MTSS1: variants seen among roughly 807,000 people sequenced by gnomAD.
MTSS1 encodes the protein protein MTSS 1.
In MTSS1, 18 loss-of-function variants were observed where a neutral mutation model predicts 79.0. The ratio of observed to expected loss-of-function variants is 0.23; its 90% CI spans 0.16 to 0.34. The LOEUF is 0.34. Ranked by LOEUF, MTSS1 falls within the 10% of genes least tolerant of loss-of-function variation. The probability of loss-of-function intolerance (pLI) is 1.00; values close to 1 mark genes in which losing one functional copy is unlikely to be tolerated. For missense variants in MTSS1, 815 were observed against 986.2 expected, an observed-to-expected ratio of 0.83 and a Z score of 2.33; for synonymous variants, 341 against 368.6, an observed-to-expected ratio of 0.93 and a Z score of 0.86.
At chr8:124,650,895 T>C (rs1331952284) in intron 3 of MTSS1, among the ~76,000 whole-genome samples, 1 of 152,230 alleles carries the variant, frequency 6.6e-6, no homozygotes, top group Non-Finnish European at 1.5e-5. Flanking sequence ...CTCCACCTAG[T>C]AGCTGTTGAC....
chr8:124,613,377 C>G (rs1236397740), intron 3 of MTSS1, among the ~76,000 whole-genome samples: 1 of 152,226 alleles, frequency 6.6e-6, no homozygotes, highest in African/African-American at 2.4e-5. Flanking sequence ...GTAGTCAGAT[C>G]ATCATGCAAT....
At chr8:124,670,334 A>C (rs367827179) in intron 3 of MTSS1, among the ~76,000 whole-genome samples, 55 of 151,156 alleles carry the variant, frequency 3.6e-4, no homozygotes, top group Middle Eastern at 3.4e-3. Context: ...GAACAAACAA[A>C]AGGGACTAGT....
intron 3 of MTSS1, among the ~76,000 whole-genome samples, chr8:124,689,647 GA>G (rs1413085280): frequency 6.6e-6 from 1 of 151,076 alleles, no homozygotes; most frequent in African/African-American, 2.4e-5. Flanking sequence ...TCGGGAGGAT[GA>G]GGCAGGACAG....
chr8:124,615,479 G>A (rs1413129659), intron 3 of MTSS1, among the ~76,000 whole-genome samples: 1 of 152,182 alleles, frequency 6.6e-6, no homozygotes, highest in African/African-American at 2.4e-5. Context: ...CAAAAGGACA[G>A]ATACTGTGAT....
intron 13 of MTSS1, among the ~76,000 whole-genome samples, chr8:124,554,242 T>C (rs1194488375): frequency 6.6e-6 from 1 of 152,206 alleles, no homozygotes; most frequent in East Asian, 1.9e-4. Flanking sequence ...ATGTGGGAGC[T>C]TACAGATTAA....
At chr8:124,686,345 C>A (rs1826987050) in intron 3 of MTSS1, among the ~76,000 whole-genome samples, 1 of 151,956 alleles carries the variant, frequency 6.6e-6, no homozygotes, top group Admixed American at 6.6e-5. Flanking sequence ...AAAAAAAAAA[C>A]TTGCATATTT....
At position 124,703,864 on chromosome 8, in the gene MTSS1, C is replaced by T. The variant is rs371845458; in HGVS notation, c.134+266G>A. Among the ~76,000 whole-genome samples the T allele has an allele frequency of 2.6e-5, 4 of 152,274 alleles. No homozygotes were observed. The South Asian group carries it at 6.2e-4, about 24-fold the overall frequency. ...ATACATAAATGTTACCCGTTGCTAC[C>T]TTACATACAGTACCTACCTCATTTG... On this transcript the variant is annotated intron_variant, in intron 2 of 13. Transcript: ENST00000518547.
chr8:124,703,046 T>C (rs778741674), intron 2 of MTSS1, among the ~76,000 whole-genome samples: 1 of 152,154 alleles, frequency 6.6e-6, no homozygotes, highest in Admixed American at 6.5e-5. Context: ...TACCATAAAA[T>C]ACACCCTTTT....
At chr8:124,666,743 C>T (rs1823165992) in intron 3 of MTSS1, among the ~76,000 whole-genome samples, 1 of 152,058 alleles carries the variant, frequency 6.6e-6, no homozygotes, top group Non-Finnish European at 1.5e-5. Flanking sequence ...GTCATCAGCG[C>T]AGAGTGAGCC....
Position 124,588,381 on chromosome 8 carries a change from T to C in MTSS1, c.385+1239A>G, listed in dbSNP as rs144833562. 5.5e-4 allele frequency among the ~76,000 whole-genome samples: 84 copies of C among 152,316 alleles called. No homozygotes were observed. The East Asian group carries it at 0.013, about 24-fold the overall frequency. ...TCTGTAGCCCCCATAGCGCCTAGCATGTAAAAAGCATCAGAATGACCTGAA... is the reference window on the plus strand; with the variant it reads ...TCTGTAGCCCCCATAGCGCCTAGCACGTAAAAAGCATCAGAATGACCTGAA... On this transcript the variant is annotated intron_variant, in intron 5 of 13. Transcript: ENST00000518547.
intron 3 of MTSS1, among the ~76,000 whole-genome samples, chr8:124,596,134 C>G (rs575782140): frequency 6.6e-6 from 1 of 152,180 alleles, no homozygotes; most frequent in Non-Finnish European, 1.5e-5. Context: ...GCCACCAACC[C>G]GAACCTGCTC....
intron 3 of MTSS1, among the ~76,000 whole-genome samples, chr8:124,592,965 T>C (rs574569474): frequency 1.6e-4 from 24 of 152,344 alleles, no homozygotes; most frequent in African/African-American, 5.8e-4. Context: ...AAACCAGTGC[T>C]GTAAAAGAAC....
chr8:124,580,855 T>C (rs144268262), intron 6 of MTSS1, among the ~76,000 whole-genome samples: 110 of 152,200 alleles, frequency 7.2e-4, no homozygotes, highest in African/African-American at 2.5e-3. Context: ...AGATGAAGAA[T>C]ATATACCCAG....
At chr8:124,633,604 C>G (rs1399096366) in intron 3 of MTSS1, among the ~76,000 whole-genome samples, 1 of 152,044 alleles carries the variant, frequency 6.6e-6, no homozygotes, top group Non-Finnish European at 1.5e-5. Context: ...AACCCCGTCA[C>G]TACTAAAAAT....
At position 124,582,666 on chromosome 8, in the gene MTSS1, G is replaced by C. The variant is rs1272735676; in HGVS notation, c.460+2421C>G. On this transcript the variant is annotated intron_variant, in intron 6 of 13. Coordinates refer to ENST00000518547, the MANE Select transcript of MTSS1 (RefSeq NM_014751.6). The surrounding 1 kb of genome is among the most constrained non-coding windows in gnomAD (Gnocchi z 4.8). ...AAAACCTTCATCCATCCGAACGCGTGGTGCGTCAGAAGGAACTGCTAACAC... is the reference window on the plus strand; with the variant it reads ...AAAACCTTCATCCATCCGAACGCGTCGTGCGTCAGAAGGAACTGCTAACAC... 6.6e-6 allele frequency among the ~76,000 whole-genome samples: 1 copy of C among 152,138 alleles called. No individual in the cohort carries two copies. Among genetic ancestry groups the C allele is most frequent in the Non-Finnish European group, 1.5e-5 (1 of 68,032 alleles).
At chr8:124,688,974 C>T (rs1282075349) in intron 3 of MTSS1, among the ~76,000 whole-genome samples, 1 of 151,164 alleles carries the variant, frequency 6.6e-6, no homozygotes, top group African/African-American at 2.4e-5. Flanking sequence ...AATGAAAGAC[C>T]AGATAGTTCC....
chr8:124,587,585 G>A (rs1486827061), intron 5 of MTSS1, among the ~76,000 whole-genome samples: 2 of 152,136 alleles, frequency 1.3e-5, no homozygotes, highest in Non-Finnish European at 2.9e-5. Context: ...CGCAGCCTCC[G>A]CCTCCTGAGT....
At chr8:124,646,098 CA>C (rs149819049) in intron 3 of MTSS1, among the ~76,000 whole-genome samples, 10,888 of 152,194 alleles carry the variant, frequency 0.072, 396 homozygotes, top group Middle Eastern at 0.095. Flanking sequence ...TTTTTAAAGG[CA>C]TTCCTGGGCC....
At chr8:124,628,216 A>C (rs1815126056) in intron 3 of MTSS1, among the ~76,000 whole-genome samples, 1 of 152,212 alleles carries the variant, frequency 6.6e-6, no homozygotes, top group Admixed American at 6.5e-5. Context: ...AGTACAGAGC[A>C]GGTCAGTAAT....
Sources: gnomAD v4.1 joint callset for allele counts (sites outside exome capture counted in the v4.1 genomes callset) on GRCh38, gnomAD v4.1.1 for gene constraint, Gnocchi (gnomAD v3.1) non-coding constraint, MANE v1.5 for transcripts, NCBI Gene and HGNC (gene_info 2026-07-23, HGNC 2026-07-21) for gene names.